Variants in TRAF3IP1 observed in about 807,000 individuals in gnomAD.
TRAF3IP1 encodes the protein intraflagellar transport 54.
A neutral mutation model predicts 89.9 loss-of-function variants in TRAF3IP1; 53 were observed. The ratio of observed to expected loss-of-function variants is 0.59; its 90% confidence interval spans 0.47 to 0.74. The LOEUF is 0.74. Among genes scored for constraint, TRAF3IP1 ranks in the 30% least tolerant of loss-of-function variants. The pLI, the probability that TRAF3IP1 is intolerant of heterozygous loss-of-function variation, is 0.00. For missense variants in TRAF3IP1, 806 were observed against 866.1 expected (o/e 0.93, Z 0.87); for synonymous variants, 311 against 322.1 (o/e 0.97, Z 0.37).
intron 6 of TRAF3IP1, among the ~76,000 whole-genome samples, 186 bp downstream of exon 6, chr2:238,333,081 A>G (rs1698207983): frequency 6.6e-6 from 1 of 152,074 alleles, no homozygotes; most frequent in African/African-American, 2.4e-5. Flanking sequence ...GGTAAAATAG[A>G]TGGGTGTGTG....
chr2:238,396,688 A>G (rs1701238480), intron 15 of TRAF3IP1, among the ~76,000 whole-genome samples: 1 of 152,176 alleles, frequency 6.6e-6, no homozygotes, highest in Non-Finnish European at 1.5e-5. Context: ...TTGCATGGCA[A>G]AGAACCCAAG....
At chr2:238,369,424 C>T (rs1339361372) in intron 15 of TRAF3IP1, among the ~76,000 whole-genome samples, 4 of 152,174 alleles carry the variant, frequency 2.6e-5, no homozygotes, top group African/African-American at 9.7e-5. Flanking sequence ...GCAGAAGCAT[C>T]CAGTCCAGAA....
At chr2:238,334,125 C>A in intron 7 of TRAF3IP1, 90 bp downstream of exon 7, 1 of 972,056 alleles carries the variant, frequency 1.0e-6, no homozygotes, top group South Asian at 1.5e-5. Context: ...GGAAAGAACT[C>A]CTATGGCTGG....
intron 8 of TRAF3IP1, among the ~76,000 whole-genome samples, chr2:238,342,265 A>G (rs750275732): frequency 3.3e-5 from 5 of 152,194 alleles, no homozygotes; most frequent in Non-Finnish European, 7.3e-5. Flanking sequence ...CTGGGATTAC[A>G]GGTGTGAGCC....
In TRAF3IP1 at chr2:238,379,028, G is replaced by T. The variant is rs985883168; in HGVS notation, c.1690-18431G>T. On this transcript the variant is annotated intron_variant, in intron 15 of 16. Coordinates refer to ENST00000373327, the MANE Select transcript of TRAF3IP1 (RefSeq NM_015650.4). The surrounding 1 kb of genome is among the most constrained non-coding windows in gnomAD (Gnocchi z 4.0). Reference sequence around the variant, plus strand: ...CAGCGTTCGGTCCCCACCTCAGGCAGCCTGGCGCTGATGCTGATGCAGCCG... The same window carrying T: ...CAGCGTTCGGTCCCCACCTCAGGCATCCTGGCGCTGATGCTGATGCAGCCG... 7.2e-5 allele frequency among the ~76,000 whole-genome samples: 11 copies of T among 152,238 alleles called. No homozygotes were observed. Among genetic ancestry groups the T allele is most frequent in the African/African-American group, 2.7e-4 (11 of 41,472 alleles).
At chr2:238,336,873 G>A (rs1236639908) in intron 7 of TRAF3IP1, among the ~76,000 whole-genome samples, 2 of 152,094 alleles carry the variant, frequency 1.3e-5, no homozygotes, top group African/African-American at 2.4e-5. Flanking sequence ...GTGAACCATA[G>A]TGGAGGCTGT....
chr2:238,341,433 T>C (rs6431595), intron 8 of TRAF3IP1, among the ~76,000 whole-genome samples: 42,213 of 151,870 alleles, frequency 0.28, 5,977 homozygotes, highest in African/African-American at 0.29. Flanking sequence ...TTTTCCTACA[T>C]AGCCAGAAAA....
Position 238,329,235 on chromosome 2 carries a change from G to A in TRAF3IP1, c.808G>A (p.Asp270Asn), listed in dbSNP as rs375427551. 62 of 1,548,338 alleles carry A rather than the reference G, an allele frequency of 4.0e-5. No individual in the cohort carries two copies. Among genetic ancestry groups the A allele is most frequent in the South Asian group, 5.1e-5 (4 of 77,980 alleles). ...ACTGAGAGACAGGGACCGAGAGCGC[G>A]ACCGGGACAAAGGGAAGGACAGGGA... ...ERLRDRDRER[D>N]RDKGKDRDRR... The change falls in exon 5 of 17, where the codon GAC (aspartate) becomes AAC (asparagine). Residue 270 changes from aspartate (D) to asparagine (N), a missense_variant. Asp to Asn is a conservative substitution (Grantham distance 23, BLOSUM62 1). Transcript: ENST00000373327.
intron 15 of TRAF3IP1, among the ~76,000 whole-genome samples, chr2:238,390,999 G>C (rs1346658489): frequency 6.6e-6 from 1 of 152,076 alleles, no homozygotes; most frequent in Non-Finnish European, 1.5e-5. Flanking sequence ...CTGTTGCCCA[G>C]GCTGGAGTAC....
chr2:238,336,885 A>T (rs1332391031), intron 7 of TRAF3IP1, among the ~76,000 whole-genome samples: 2 of 151,956 alleles, frequency 1.3e-5, no homozygotes, highest in African/African-American at 2.4e-5. Context: ...GGAGGCTGTG[A>T]GTGAATGTTG....
chr2:238,342,541 G>C lies in TRAF3IP1; in HGVS notation c.1160-1956G>C, dbSNP rs1698709985. On this transcript the variant is annotated intron_variant, in intron 8 of 16. Transcript: ENST00000373327. ...CTCTGAACTACAGAATGAAGATAAT[G>C]CATTTATAATTTGCTTACTGTGATG... Among the ~76,000 whole-genome samples the C allele has an allele frequency of 2.6e-5, 4 of 152,028 alleles. No individual in the cohort carries two copies. In the South Asian group the frequency reaches 8.3e-4, roughly 32 times the overall value.
chr2:238,389,581 C>T (rs1700911615), intron 15 of TRAF3IP1, among the ~76,000 whole-genome samples: 1 of 151,958 alleles, frequency 6.6e-6, no homozygotes, highest in Non-Finnish European at 1.5e-5. Context: ...AACCCCATCT[C>T]TACTAAAAAT....
chr2:238,398,516 T>C (rs1225065365), intron 16 of TRAF3IP1, among the ~76,000 whole-genome samples: 2 of 152,004 alleles, frequency 1.3e-5, no homozygotes, highest in Non-Finnish European at 2.9e-5. Flanking sequence ...GGTTGTTCTG[T>C]ATGTAATTTA....
At chr2:238,325,750 A>C in intron 2 of TRAF3IP1, 59 bp from the exon 3 acceptor site, 1 of 1,503,158 alleles carries the variant, frequency 6.7e-7, no homozygotes, top group Admixed American at 1.9e-5. Context: ...AACATACAGA[A>C]GATAATGCAC....
chr2:238,357,075 G>GC (rs1699448686), intron 15 of TRAF3IP1, among the ~76,000 whole-genome samples: 1 of 152,200 alleles, frequency 6.6e-6, no homozygotes, highest in South Asian at 2.1e-4. Context: ...ACCGCGCCTG[G>GC]CCGGGAATGT....
chr2:238,379,192 C>T lies in TRAF3IP1; in HGVS notation c.1690-18267C>T, dbSNP rs866830916. Among the ~76,000 whole-genome samples, 14 of 152,182 alleles carry T rather than the reference C, an allele frequency of 9.2e-5. No individual in the cohort carries two copies. The highest frequency in any genetic ancestry group is 2.1e-4 in the South Asian group (1 of 4,832). Reference sequence around the variant, plus strand: ...CCTGGAGGCTGCTGGTCTCTCGGGCCGGACAACCCCCACCCCATTTAAGTC... The same window carrying T: ...CCTGGAGGCTGCTGGTCTCTCGGGCTGGACAACCCCCACCCCATTTAAGTC... On this transcript the variant is annotated intron_variant, in intron 15 of 16. Coordinates refer to ENST00000373327, the MANE Select transcript of TRAF3IP1 (RefSeq NM_015650.4). This position sits in a 1 kb window ranked among gnomAD's most constrained non-coding sequence, Gnocchi z 4.0.
At position 238,351,955 on chromosome 2, in the gene TRAF3IP1, G is replaced by A. The variant is rs1304603961; in HGVS notation, c.1452-872G>A. Among the ~76,000 whole-genome samples the A allele has an allele frequency of 6.6e-6, 1 of 152,026 alleles. No homozygotes were observed. The highest frequency in any genetic ancestry group is 2.4e-5 in the African/African-American group (1 of 41,386). Reference sequence around the variant, plus strand: ...TGCATGTGCACGCATGCAGCACTGCGATAACGGGGCAGGGGGAGTTAGGTG... The same window carrying A: ...TGCATGTGCACGCATGCAGCACTGCAATAACGGGGCAGGGGGAGTTAGGTG... On this transcript the variant is annotated intron_variant, in intron 12 of 16. Transcript: ENST00000373327. This position sits in a 1 kb window ranked among gnomAD's most constrained non-coding sequence, Gnocchi z 5.2.
intron 15 of TRAF3IP1, among the ~76,000 whole-genome samples, chr2:238,395,533 G>A (rs1701171775): frequency 1.3e-5 from 2 of 152,104 alleles, no homozygotes; most frequent in African/African-American, 4.8e-5. Context: ...TTGACAAATG[G>A]GATCTAATTA....
chr2:238,343,582 A>G (rs1574915702), intron 8 of TRAF3IP1, among the ~76,000 whole-genome samples: 1 of 150,198 alleles, frequency 6.7e-6, no homozygotes, highest in Non-Finnish European at 1.5e-5. Flanking sequence ...TATGTTGCCC[A>G]GGCTGGTGCC....
Sources: allele counts gnomAD v4.1 joint callset (sites outside exome capture counted in the v4.1 genomes callset), GRCh38; gene constraint gnomAD v4.1.1; non-coding constraint Gnocchi (gnomAD v3.1); transcripts MANE v1.5; gene names NCBI Gene and HGNC (gene_info 2026-07-23, HGNC 2026-07-21).